The following RCL1 variants were observed in gnomAD, a reference collection of about 807,000 sequenced individuals.
RCL1 encodes RNA terminal phosphate cyclase like 1.
In RCL1, 24 loss-of-function variants were observed where a neutral mutation model predicts 42.4. The observed-to-expected ratio is 0.57, with a 90% CI of 0.41 to 0.80. The LOEUF (loss-of-function observed/expected upper bound fraction) is 0.80. Ranked by LOEUF, RCL1 falls within the 30% of genes least tolerant of loss-of-function variation. RCL1 has a pLI of 0.00. For missense variants in RCL1, 578 were observed against 467.9 expected, an observed-to-expected ratio of 1.24 and a Z score of -2.17; for synonymous variants, 228 against 177.3, an observed-to-expected ratio of 1.29 and a Z score of -2.27.
chr9:4,811,598 C>T (rs1389465641), intron 1 of RCL1, among the ~76,000 whole-genome samples: 1 of 152,136 alleles, frequency 6.6e-6, no homozygotes, highest in Non-Finnish European at 1.5e-5. Flanking sequence ...GACAGAATTT[C>T]GTTCTTTTTT....
intron 7 of RCL1, among the ~76,000 whole-genome samples, chr9:4,847,037 G>A (rs561391045): frequency 6.5e-4 from 99 of 151,862 alleles, no homozygotes; most frequent in African/African-American, 2.3e-3. Flanking sequence ...GTGCCACCAC[G>A]CCTGGCTAAT....
In RCL1 at chr9:4,818,213, G is replaced by A. The variant is rs191187094; in HGVS notation, c.137-5335G>A. Among the ~76,000 whole-genome samples the A allele has an allele frequency of 1.7e-3, 264 of 152,076 alleles. 1 individual carries two copies. Among genetic ancestry groups the A allele is most frequent in the Admixed American group, 3.7e-3 (56 of 15,272 alleles). On this transcript the variant is annotated intron_variant, in intron 1 of 8. Transcript: ENST00000381750. ...TGGGATTACAGGCATAAGCCACCGC[G>A]CCCGGCCCAGTTGCTAAGATTTTTA...
intron 3 of RCL1, among the ~76,000 whole-genome samples, chr9:4,831,806 G>A (rs1408399989): frequency 6.6e-6 from 1 of 152,194 alleles, no homozygotes; most frequent in Admixed American, 6.5e-5. Flanking sequence ...GTATTTTTCT[G>A]ATATCACAAT....
intron 5 of RCL1, among the ~76,000 whole-genome samples, chr9:4,835,898 C>G (rs1817111824): frequency 6.6e-6 from 1 of 152,064 alleles, no homozygotes. Context: ...TCTTTTTATT[C>G]TTACTTGAGA....
intron 7 of RCL1, among the ~76,000 whole-genome samples, chr9:4,848,957 A>G (rs1817616032): frequency 6.6e-6 from 1 of 152,218 alleles, no homozygotes; most frequent in Non-Finnish European, 1.5e-5. Context: ...ATGTATTTGA[A>G]TAAGTGTAAA....
chr9:4,830,652 A>G (rs1031738584), intron 3 of RCL1, among the ~76,000 whole-genome samples: 3 of 152,192 alleles, frequency 2.0e-5, no homozygotes, highest in Non-Finnish European at 4.4e-5. Flanking sequence ...AAGAAGTACA[A>G]TAATGTCTCC....
At chr9:4,853,909 G>T (rs1043665762) in intron 8 of RCL1, among the ~76,000 whole-genome samples, 1 of 152,048 alleles carries the variant, frequency 6.6e-6, no homozygotes, top group Non-Finnish European at 1.5e-5. Context: ...AGCCCACTCA[G>T]CCTAAAGCTC....
chr9:4,824,688 T>G (rs1207999431), intron 2 of RCL1, among the ~76,000 whole-genome samples: 1 of 152,230 alleles, frequency 6.6e-6, no homozygotes, highest in Non-Finnish European at 1.5e-5. Context: ...CTTGGCTCTC[T>G]TAAGGCAAGC....
intron 2 of RCL1, among the ~76,000 whole-genome samples, chr9:4,825,132 C>T (rs553353761): frequency 2.0e-5 from 3 of 151,738 alleles, no homozygotes; most frequent in South Asian, 2.1e-4. Flanking sequence ...ATCCATCCAC[C>T]TCAGCCTTCC....
intron 1 of RCL1, among the ~76,000 whole-genome samples, chr9:4,801,002 T>C (rs1376354967): frequency 6.6e-6 from 1 of 152,192 alleles, no homozygotes; most frequent in African/African-American, 2.4e-5. Context: ...GGATTCAGTT[T>C]CTCTGCATCC....
intron 1 of RCL1, among the ~76,000 whole-genome samples, chr9:4,807,071 G>A (rs957338747): frequency 2.0e-5 from 3 of 152,124 alleles, no homozygotes; most frequent in Non-Finnish European, 4.4e-5. Context: ...ATGTCTGCAG[G>A]ATCTGTAGTG....
intron 1 of RCL1, among the ~76,000 whole-genome samples, chr9:4,819,032 G>T (rs1353896704): frequency 3.3e-5 from 5 of 152,042 alleles, no homozygotes; most frequent in Non-Finnish European, 4.4e-5. Flanking sequence ...AGTTTTGTTG[G>T]CTATTTAAAT....
At chr9:4,835,964 G>A (rs1296147591) in intron 5 of RCL1, among the ~76,000 whole-genome samples, 2 of 152,204 alleles carry the variant, frequency 1.3e-5, no homozygotes, top group Non-Finnish European at 2.9e-5. Context: ...GTAGAGCTGT[G>A]TGGAGGTGAG....
At chr9:4,801,861 C>T (rs1286767624) in intron 1 of RCL1, among the ~76,000 whole-genome samples, 1 of 147,466 alleles carries the variant, frequency 6.8e-6, no homozygotes. Flanking sequence ...TCTGGGTTCT[C>T]CATTCTGTTC....
intron 8 of RCL1, among the ~76,000 whole-genome samples, chr9:4,855,072 A>T (rs465300): frequency 2.8e-5 from 4 of 140,628 alleles, no homozygotes; most frequent in Non-Finnish European, 6.1e-5. Flanking sequence ...AAAAAAAAAA[A>T]ATAGGAAAAG....
chr9:4,849,390 T>A, intron 7 of RCL1, 57 bp from the exon 8 acceptor site: 1 of 1,341,016 alleles, frequency 7.5e-7, no homozygotes, highest in Non-Finnish European at 1.1e-6. Context: ...TTTTTCCTCC[T>A]CTCTTTTGTT....
intron 8 of RCL1, among the ~76,000 whole-genome samples, chr9:4,856,820 A>G (rs1349901773): frequency 6.6e-6 from 1 of 152,232 alleles, no homozygotes; most frequent in Non-Finnish European, 1.5e-5. Context: ...CCTGCCCTCT[A>G]GGGTTGTTAA....
At chr9:4,851,049 A>G (rs1012668355) in intron 8 of RCL1, among the ~76,000 whole-genome samples, 1 of 151,562 alleles carries the variant, frequency 6.6e-6, no homozygotes, top group Non-Finnish European at 1.5e-5. Context: ...GCTTTTGGAG[A>G]TTTTTCAATT....
intron 1 of RCL1, among the ~76,000 whole-genome samples, chr9:4,802,074 ATT>A (rs34756856): frequency 0.012 from 1,124 of 95,480 alleles, 11 homozygotes; most frequent in African/African-American, 0.035. Context: ...ACGCCTGGCT[ATT>A]TTTTTTTTTT....
Sources: allele counts gnomAD v4.1 joint callset (sites outside exome capture counted in the v4.1 genomes callset), GRCh38; gene constraint gnomAD v4.1.1; transcripts MANE v1.5; gene names NCBI Gene and HGNC (gene_info 2026-07-23, HGNC 2026-07-21).